Variants in BLK observed in about 807,000 individuals in gnomAD.
BLK encodes BLK proto-oncogene, Src family tyrosine kinase, also known as tyrosine-protein kinase Blk.
In BLK, 64 loss-of-function variants were observed where a neutral mutation model predicts 61.8. The ratio of observed to expected loss-of-function variants is 1.03; its 90% confidence interval spans 0.85 to 1.27. The LOEUF is 1.27. Among genes scored for constraint, BLK ranks in the 50% most tolerant of loss-of-function variants. The pLI is 0.00. For synonymous variants in BLK, 351 were observed against 272.0 expected (o/e 1.29, Z -2.86); for missense variants, 853 against 660.5 (o/e 1.29, Z -3.19).
At chr8:11,531,016 G>A (rs113088775) in intron 1 of BLK, among the ~76,000 whole-genome samples, 155 of 152,166 alleles carry the variant, frequency 1.0e-3, no homozygotes, top group African/African-American at 3.4e-3. Flanking sequence ...TGGTATGATC[G>A]GTCATCTAAT....
rs945241219 is a variant in BLK at position 11,555,567 on chromosome 8, C to T, written c.772+83C>T. On this transcript the variant is annotated intron_variant, in intron 8 of 12. Coordinates refer to ENST00000259089, the MANE Select transcript of BLK (RefSeq NM_001715.3). ...GAGTCCAGGTTCAGCATTTTCATAG[C>T]GTGTCATCCCTCCCCCAGAAGTCTT... is the stretch of plus-strand genomic sequence containing the variant. 2.9e-5 allele frequency: 46 copies of T among 1,582,840 alleles called. 1 individual carries two copies. Among genetic ancestry groups the T allele is most frequent in the Middle Eastern group, 1.8e-4 (1 of 5,518 alleles).
intron 6 of BLK, among the ~76,000 whole-genome samples, chr8:11,552,172 C>G (rs576131271): frequency 1.0e-3 from 159 of 152,298 alleles, no homozygotes; most frequent in African/African-American, 3.7e-3. Context: ...TTGGTTCCAT[C>G]TGTGGCTCAA....
chr8:11,558,457 A>T (rs1801333849), intron 10 of BLK: 4 of 360,302 alleles, frequency 1.1e-5, no homozygotes, highest in Non-Finnish European at 2.2e-5. Flanking sequence ...AGGACTTCCC[A>T]TCCCAGGGGC....
Position 11,543,331 on chromosome 8 carries a change from C to G in BLK, c.107C>G (p.Pro36Arg). 1 of 1,613,212 alleles carries G rather than the reference C, an allele frequency of 6.2e-7. No individual in the cohort carries two copies. Among genetic ancestry groups the G allele is most frequent in the Non-Finnish European group, 8.5e-7 (1 of 1,180,014 alleles). ...LKVSAQDKDA[P>R]PLPPLVVFNH... is the part of the protein sequence containing the mutation. The stretch of plus-strand genomic sequence containing the variant: ...GTCAGCGCCCAAGACAAGGACGCCC[C>G]GCCACTGCCGCCCCTGGTGAGTGAT... Residue 36 changes from proline to arginine, a missense_variant, in exon 2 of 13, where the codon CCG (proline) becomes CGG (arginine). By Grantham distance (103) the Pro-to-Arg change is moderately radical. Transcript: ENST00000259089.
At chr8:11,503,484 G>A (rs548797897) in intron 1 of BLK, among the ~76,000 whole-genome samples, 84 of 152,326 alleles carry the variant, frequency 5.5e-4, no homozygotes, top group African/African-American at 1.9e-3. Context: ...CAGGTGGGAC[G>A]TGAGATGCTC....
In BLK at chr8:11,548,941, T is replaced by C. The variant is rs954830713; in HGVS notation, c.270-83T>C. ...GGATTCTCTGCCCTCCAGGGAGAGA[T>C]GACTTTGAGGAGGCCTGAGAGCTGC... On this transcript the variant is annotated intron_variant, in intron 4 of 12. Coordinates refer to ENST00000259089, the MANE Select transcript of BLK (RefSeq NM_001715.3). The C allele has an allele frequency of 1.2e-5, 15 of 1,238,888 alleles. No homozygotes were observed. In the East Asian group the frequency reaches 1.3e-4, roughly 10 times the overall value. 76.7% of individuals were successfully genotyped at this position (1,238,888 alleles called of 1,614,324 possible).
In BLK at chr8:11,495,801, C is replaced by T. The variant is rs575019980; in HGVS notation, c.-2+1210C>T. On this transcript the variant is annotated intron_variant, in intron 1 of 12. Transcript: ENST00000259089. The stretch of plus-strand genomic sequence containing the variant: ...GAAATTTTAACAAGACCTGGGGTCT[C>T]GCTAATATTGTGGTAACAATTACTG... Among the ~76,000 whole-genome samples the T allele has an allele frequency of 5.9e-5, 9 of 152,262 alleles. No homozygotes were observed. In the East Asian group the frequency reaches 1.5e-3, roughly 26 times the overall value.
At chr8:11,549,351 C>T (rs1029967563) in intron 5 of BLK, among the ~76,000 whole-genome samples, 2 of 152,216 alleles carry the variant, frequency 1.3e-5, no homozygotes, top group East Asian at 1.9e-4. Context: ...TAAACAAGAG[C>T]GGTCCTTCTC....
chr8:11,564,417 A>G lies in BLK; in HGVS notation c.*309A>G. The G allele has an allele frequency of 1.6e-6, 1 of 606,536 alleles. No homozygotes were observed. The highest frequency in any genetic ancestry group is 3.5e-5 in the East Asian group (1 of 28,772). The allele number at this position is 606,536 out of a possible 1,614,324, so 37.6% of individuals were successfully genotyped here. A position where few individuals can be genotyped will look rare whatever the true frequency, so the allele number is the denominator to read the frequency against. On this transcript the variant is annotated 3_prime_UTR_variant, in exon 13 of 13. Coordinates refer to ENST00000259089, the MANE Select transcript of BLK (RefSeq NM_001715.3). ...GACTGGTAAGCGACTGTCATCAAGT[A>G]AGGCCCCCGTGCTGGGCACCCCCCG...
chr8:11,536,532 AG>A (rs1280838827), intron 1 of BLK, among the ~76,000 whole-genome samples: 1 of 152,174 alleles, frequency 6.6e-6, no homozygotes, highest in Non-Finnish European at 1.5e-5. Context: ...CTGGGATTAC[AG>A]GCATGCGCCT....
At position 11,497,147 on chromosome 8, in the gene BLK, G is replaced by T. The variant is rs538032245; in HGVS notation, c.-2+2556G>T. ...AGGAGGAAGAAAAAATGATGAAGCCGCAGGAAGACAGCACGTAGATGGAAA... is the reference window on the plus strand; with the variant it reads ...AGGAGGAAGAAAAAATGATGAAGCCTCAGGAAGACAGCACGTAGATGGAAA... On this transcript the variant is annotated intron_variant, in intron 1 of 12. Coordinates refer to ENST00000259089, the MANE Select transcript of BLK (RefSeq NM_001715.3). Among the ~76,000 whole-genome samples, 4 of 152,226 alleles carry T rather than the reference G, an allele frequency of 2.6e-5. No individual in the cohort carries two copies. In the East Asian group the frequency reaches 5.8e-4, roughly 22 times the overall value.
chr8:11,508,673 G>A (rs767962779), intron 1 of BLK, among the ~76,000 whole-genome samples: 14 of 152,198 alleles, frequency 9.2e-5, no homozygotes, highest in Non-Finnish European at 1.8e-4. Context: ...CATTACTTAC[G>A]GGGATGTGCA....
At chr8:11,546,727 A>C (rs1399127183) in intron 3 of BLK, among the ~76,000 whole-genome samples, 3 of 152,108 alleles carry the variant, frequency 2.0e-5, no homozygotes, top group East Asian at 3.9e-4. Context: ...AGGTGCACAC[A>C]ACCACACCGG....
intron 1 of BLK, among the ~76,000 whole-genome samples, chr8:11,523,536 G>C (rs971605365): frequency 3.9e-5 from 6 of 152,162 alleles, no homozygotes; most frequent in Non-Finnish European, 5.9e-5. Flanking sequence ...CTGGATGGCA[G>C]AGCAAGACTC....
chr8:11,537,044 G>A (rs148459722), intron 1 of BLK, among the ~76,000 whole-genome samples: 135 of 152,304 alleles, frequency 8.9e-4, no homozygotes, highest in Middle Eastern at 3.4e-3. Flanking sequence ...GAAGAACCTC[G>A]TTGCTAGGAA....
At chr8:11,525,039 A>C (rs1394207463) in intron 1 of BLK, among the ~76,000 whole-genome samples, 1 of 152,192 alleles carries the variant, frequency 6.6e-6, no homozygotes, top group Non-Finnish European at 1.5e-5. Context: ...CTATATCAAA[A>C]GCAAATTGAT....
rs756761426 is a variant in BLK, at chr8:11,550,206, T to C, written c.416T>C (p.Leu139Pro). 1.2e-6 allele frequency: 2 copies of C among 1,614,160 alleles called. No homozygotes were observed. Among genetic ancestry groups the C allele is most frequent in the Non-Finnish European group, 1.7e-6 (2 of 1,180,018 alleles). ...QGRKEAERQLLAPINKAGSFL... is the reference protein window; with the variant it reads ...QGRKEAERQLPAPINKAGSFL... ...CGGAAGGAGGCTGAGAGGCAGCTTC[T>C]TGCTCCAATCAACAAGGCCGGCTCC... Residue 139 changes from leucine to proline, a missense_variant, in exon 6 of 13, where the codon CTT becomes CCT. Coordinates refer to ENST00000259089, the MANE Select transcript of BLK (RefSeq NM_001715.3).
At chr8:11,543,434 A>C in intron 2 of BLK, 87 bp downstream of exon 2, 1 of 1,559,848 alleles carries the variant, frequency 6.4e-7, no homozygotes, top group Non-Finnish European at 8.7e-7. Context: ...GTATAGCAAA[A>C]GTGCCTTCCT....
At chr8:11,563,437 C>T (rs561770329) in intron 12 of BLK, among the ~76,000 whole-genome samples, 30 of 152,350 alleles carry the variant, frequency 2.0e-4, no homozygotes, top group African/African-American at 6.0e-4. Context: ...TGGCTTTGCA[C>T]CCATAGTGGA....
Sources: allele counts gnomAD v4.1 joint callset (sites outside exome capture counted in the v4.1 genomes callset), GRCh38; gene constraint gnomAD v4.1.1; transcripts MANE v1.5; gene names NCBI Gene and HGNC (gene_info 2026-07-23, HGNC 2026-07-21).